The following GSR variants were observed in gnomAD, a reference collection of about 807,000 sequenced individuals.
GSR encodes the protein glutathione-disulfide reductase, also known as glutathione reductase, mitochondrial.
Under a neutral mutation model 56.5 loss-of-function variants are expected in GSR, and 48 were observed. The ratio of observed to expected loss-of-function variants is 0.85; its 90% CI spans 0.67 to 1.08. The LOEUF (loss-of-function observed/expected upper bound fraction) is 1.08, where lower values mean the gene tolerates loss of function less well. GSR is among the 50% of genes least tolerant of loss of function. GSR has a pLI of 0.00. For missense variants in GSR, 694 were observed against 703.3 expected, an observed-to-expected ratio of 0.99 and a Z score of 0.15; for synonymous variants, 264 against 270.8, an observed-to-expected ratio of 0.97 and a Z score of 0.25.
intron 3 of GSR, 61 bp from the exon 4 acceptor site, chr8:30,708,202 A>C: frequency 8.3e-7 from 1 of 1,203,118 alleles, no homozygotes; most frequent in Non-Finnish European, 1.2e-6. Context: ...TTAGTAACTA[A>C]GGCATCTGTC....
At chr8:30,693,730 T>C (rs1803463123) in intron 7 of GSR, among the ~76,000 whole-genome samples, 1 of 152,192 alleles carries the variant, frequency 6.6e-6, no homozygotes, top group Admixed American at 6.6e-5. Flanking sequence ...GGTTTCGCCA[T>C]GTCGGCCAGG....
At chr8:30,697,422 AAAACAAACAAAC>A (rs150485496) in intron 6 of GSR, among the ~76,000 whole-genome samples, 6 of 148,172 alleles carry the variant, frequency 4.0e-5, no homozygotes, top group Admixed American at 1.3e-4. Context: ...TCAAAAAAAC[AAAACAAACAAAC>A]AAACAAACAA....
intron 4 of GSR, among the ~76,000 whole-genome samples, chr8:30,703,493 T>A (rs1814642585): frequency 6.6e-6 from 1 of 152,112 alleles, no homozygotes; most frequent in South Asian, 2.1e-4. Flanking sequence ...ACACCTGTAA[T>A]CCTAGCACTT....
intron 3 of GSR, among the ~76,000 whole-genome samples, chr8:30,709,586 T>C (rs1285655437): frequency 1.3e-5 from 2 of 152,126 alleles, no homozygotes; most frequent in Non-Finnish European, 2.9e-5. Context: ...TAGTTTCTGT[T>C]TGGGATAGCA....
rs115764700 is a variant in GSR, at chr8:30,691,786, A to G, written c.882+1183T>C. 7.0e-3 allele frequency among the ~76,000 whole-genome samples: 1,069 copies of G among 152,252 alleles called. 17 individuals are homozygous for G. Among genetic ancestry groups the G allele is most frequent in the African/African-American group, 0.024 (998 of 41,548 alleles). On this transcript the variant is annotated intron_variant, in intron 8 of 12. Transcript: ENST00000221130. ...ATAAGACACCTGAGCACAAAAATCA[A>G]AGTTTTAAAATCCAAATTTAAAAAA...
At chr8:30,726,232 T>C (rs1035042486) in intron 1 of GSR, among the ~76,000 whole-genome samples, 5 of 152,190 alleles carry the variant, frequency 3.3e-5, no homozygotes, top group Non-Finnish European at 7.3e-5. Context: ...GTTTCATTCA[T>C]TGCACAAGTG....
At position 30,712,148 on chromosome 8, in the gene GSR, TC is replaced by T; in HGVS notation, c.307-61del. On this transcript the variant is annotated intron_variant, in intron 1 of 12. Transcript: ENST00000221130. ...ATTGAATTCAAACCATCAAACGAAA[TC>T]TGCAAGAAATGCACGCTAAGCATCA... 10 of 922,970 alleles carry T rather than the reference TC, an allele frequency of 1.1e-5. No homozygotes were observed. In the Admixed American group the frequency reaches 1.6e-4, roughly 14 times the overall value. The allele number at this position is 922,970 out of a possible 1,614,324, so 57.2% of individuals were successfully genotyped here. A position where few individuals can be genotyped will look rare whatever the true frequency, so the allele number is the denominator to read the frequency against.
chr8:30,691,166 A>C (rs1586041375), intron 8 of GSR, among the ~76,000 whole-genome samples: 1 of 152,054 alleles, frequency 6.6e-6, no homozygotes, highest in Admixed American at 6.6e-5. Flanking sequence ...GGAGTTCAAG[A>C]CCAGCCTGCC....
At chr8:30,709,338 G>A (rs947430921) in intron 3 of GSR, among the ~76,000 whole-genome samples, 14 of 152,188 alleles carry the variant, frequency 9.2e-5, no homozygotes, top group Admixed American at 6.6e-5. Flanking sequence ...GCACTCCAGC[G>A]TGGACAACAG....
rs1803656696 is a variant in GSR at position 30,699,525 on chromosome 8, A to G, written c.695+556T>C. 2.0e-5 allele frequency among the ~76,000 whole-genome samples: 3 copies of G among 151,266 alleles called. 1 individual carries two copies. The South Asian group carries it at 6.3e-4, about 32-fold the overall frequency. On this transcript the variant is annotated intron_variant, in intron 6 of 12. Coordinates refer to ENST00000221130, the MANE Select transcript of GSR (RefSeq NM_000637.5). ...CTTGGTGTGATCTTGTCTCACTGCA[A>G]CTCCGCCTTGAGAATTCAAGTGATT...
rs2551731 is a variant in GSR at position 30,680,617 on chromosome 8, A to T, written c.1419+287T>A. 2.8e-3 allele frequency among the ~76,000 whole-genome samples: 414 copies of T among 149,544 alleles called. 1 individual carries two copies. The highest frequency in any genetic ancestry group is 9.7e-3 in the African/African-American group (394 of 40,650). On this transcript the variant is annotated intron_variant, in intron 12 of 12. Transcript: ENST00000221130. ...ACCACGTTGGTCAGGCTAGTCTCAA[A>T]CTCCTGACCTCAGGTGATATGCCTG...
Position 30,682,008 on chromosome 8 carries a change from C to G in GSR, c.1207G>C (p.Asp403His). The change falls in exon 11 of 13, where the codon GAT becomes CAT. Residue 403 changes from aspartate to histidine, a missense_variant. Physicochemically the swap from Asp to His is moderately conservative, Grantham distance 81 (BLOSUM62 -1). Transcript: ENST00000221130. ...LAHRLFEYKEDSKLDYNNIPT... is the reference protein window; with the variant it reads ...LAHRLFEYKEHSKLDYNNIPT... ...ATGTTGTTATAATCTAATTTGGAATCTTCCTTATATTCAAAAAGTCGATGG... is the reference window on the plus strand; with the variant it reads ...ATGTTGTTATAATCTAATTTGGAATGTTCCTTATATTCAAAAAGTCGATGG... 1 of 1,613,084 alleles carries G rather than the reference C, an allele frequency of 6.2e-7. No homozygotes were observed. Among genetic ancestry groups the G allele is most frequent in the South Asian group, 1.1e-5 (1 of 91,060 alleles).
intron 6 of GSR, among the ~76,000 whole-genome samples, 200 bp from the exon 7 acceptor site, chr8:30,696,679 A>G (rs1390340976): frequency 6.6e-6 from 1 of 152,138 alleles, no homozygotes; most frequent in Non-Finnish European, 1.5e-5. Context: ...CTAATGACTA[A>G]ACCCTAGACT....
rs767282664 is a variant in GSR at position 30,682,043 on chromosome 8, C to T, written c.1172G>A (p.Arg391Gln). The T allele has an allele frequency of 1.4e-5, 23 of 1,612,896 alleles. No homozygotes were observed. Among genetic ancestry groups the T allele is most frequent in the Admixed American group, 3.3e-5 (2 of 59,996 alleles). The change falls in exon 11 of 13, where the codon CGA (arginine) becomes CAA (glutamine). Residue 391 changes from arginine to glutamine, a missense_variant. Arg to Gln is a conservative substitution (Grantham distance 43). Coordinates refer to ENST00000221130, the MANE Select transcript of GSR (RefSeq NM_000637.5). Reference sequence around the variant, plus strand: ...TTCAAAAAGTCGATGGGCAAGTTTTCGGCCAGCAGCTATTGCAACTATGGA... The same window carrying T: ...TTCAAAAAGTCGATGGGCAAGTTTTTGGCCAGCAGCTATTGCAACTATGGA... Reference protein sequence around the residue: ...LLTPVAIAAGRKLAHRLFEYK... With the variant: ...LLTPVAIAAGQKLAHRLFEYK...
At chr8:30,683,280 G>T (rs1031543181) in intron 10 of GSR, among the ~76,000 whole-genome samples, 1 of 152,170 alleles carries the variant, frequency 6.6e-6, no homozygotes, top group Non-Finnish European at 1.5e-5. Flanking sequence ...GGAGCTAAAA[G>T]GGTTTGGGTG....
At chr8:30,689,992 G>A (rs1266730407) in intron 8 of GSR, among the ~76,000 whole-genome samples, 3 of 108,568 alleles carry the variant, frequency 2.8e-5, no homozygotes, top group African/African-American at 8.8e-5. Context: ...GTATATATAT[G>A]TATATTTATA....
intron 1 of GSR, among the ~76,000 whole-genome samples, chr8:30,715,960 G>A (rs8190917): frequency 0.042 from 6,435 of 152,070 alleles, 191 homozygotes; most frequent in South Asian, 0.15. Context: ...TCTTCTAAGC[G>A]CCAAGGTGGG....
intron 5 of GSR, among the ~76,000 whole-genome samples, chr8:30,702,520 C>G (rs1383442894): frequency 6.6e-6 from 1 of 152,090 alleles, no homozygotes; most frequent in Non-Finnish European, 1.5e-5. Context: ...TATCACGTGT[C>G]TTGTAAATAA....
chr8:30,726,387 C>T (rs8190893), intron 1 of GSR, among the ~76,000 whole-genome samples: 6,190 of 152,252 alleles, frequency 0.041, 164 homozygotes, highest in Non-Finnish European at 0.066. Flanking sequence ...CCAGGTTCCT[C>T]TTGGATACAG....
Sources: gnomAD v4.1 joint callset for allele counts (sites outside exome capture counted in the v4.1 genomes callset) on GRCh38, gnomAD v4.1.1 for gene constraint, MANE v1.5 for transcripts, NCBI Gene and HGNC (gene_info 2026-07-23, HGNC 2026-07-21) for gene names.